AGBL4: variants seen among roughly 807,000 people sequenced by gnomAD.
The protein encoded by AGBL4 is cytosolic carboxypeptidase 6.
In AGBL4, 58 loss-of-function variants were observed where a neutral mutation model predicts 66.4. That is an observed-to-expected ratio of 0.87 (90% CI 0.71 to 1.09). The LOEUF is 1.09. AGBL4 is among the 50% of genes least tolerant of loss of function. The pLI is 0.00. For missense variants in AGBL4, 579 were observed against 631.0 expected, an observed-to-expected ratio of 0.92 and a Z score of 0.88; for synonymous variants, 234 against 222.9, an observed-to-expected ratio of 1.05 and a Z score of -0.44.
At chr1:49,525,586 G>A (rs1650594643) in intron 3 of AGBL4, among the ~76,000 whole-genome samples, 2 of 151,924 alleles carry the variant, frequency 1.3e-5, no homozygotes. Context: ...AAAGAGGAGG[G>A]GGCAACAGGA....
At position 48,705,010 on chromosome 1, in the gene AGBL4, G is replaced by A. The variant is rs866433238; in HGVS notation, c.635-41769C>T. Among the ~76,000 whole-genome samples, 15 of 152,190 alleles carry A rather than the reference G, an allele frequency of 9.9e-5. No homozygotes were observed. In the Middle Eastern group the frequency reaches 0.01, roughly 104 times the overall value. On this transcript the variant is annotated intron_variant, in intron 6 of 13. Transcript: ENST00000371839. ...GAGTAATGCTTTCTACTACAATATA[G>A]CAATGTCTGCGCTGTCACTAGGCGA...
At chr1:48,652,823 T>C (rs1645952917) in intron 8 of AGBL4, among the ~76,000 whole-genome samples, 2 of 152,186 alleles carry the variant, frequency 1.3e-5, no homozygotes, top group South Asian at 4.1e-4. Context: ...CTGGCTGGTG[T>C]GCCCACACTG....
intron 9 of AGBL4, among the ~76,000 whole-genome samples, chr1:48,632,916 C>T (rs1046737892): frequency 3.9e-5 from 6 of 152,176 alleles, no homozygotes; most frequent in African/African-American, 1.4e-4. Context: ...ATCAGGATGA[C>T]ATTGAGAGGT....
chr1:49,804,696 T>C (rs1227478260), intron 2 of AGBL4, among the ~76,000 whole-genome samples: 1 of 152,208 alleles, frequency 6.6e-6, no homozygotes, highest in Non-Finnish European at 1.5e-5. Context: ...TGTAACTCTT[T>C]ATAAATAATT....
At chr1:49,701,803 C>G (rs757898542) in intron 2 of AGBL4, among the ~76,000 whole-genome samples, 2 of 151,918 alleles carry the variant, frequency 1.3e-5, no homozygotes, top group African/African-American at 2.4e-5. Context: ...AGAGGACATA[C>G]TATAACCAAC....
intron 1 of AGBL4, among the ~76,000 whole-genome samples, chr1:49,958,536 C>T (rs1304914861): frequency 6.6e-6 from 1 of 151,956 alleles, no homozygotes; most frequent in Non-Finnish European, 1.5e-5. Flanking sequence ...AAGTTCATGT[C>T]CTTTCTAGGG....
At chr1:49,743,226 A>T (rs931450224) in intron 2 of AGBL4, among the ~76,000 whole-genome samples, 1 of 152,060 alleles carries the variant, frequency 6.6e-6, no homozygotes, top group African/African-American at 2.4e-5. Context: ...AACAACCCCA[A>T]CAAAAACTGG....
chr1:48,861,534 C>T (rs1031146211), intron 6 of AGBL4, among the ~76,000 whole-genome samples: 2 of 152,058 alleles, frequency 1.3e-5, no homozygotes, highest in Non-Finnish European at 2.9e-5. Context: ...GTTACCAAAA[C>T]AATTATATGA....
chr1:49,220,869 G>C (rs1649440708), intron 4 of AGBL4, among the ~76,000 whole-genome samples: 2 of 152,104 alleles, frequency 1.3e-5, no homozygotes, highest in Admixed American at 6.6e-5. Flanking sequence ...GAAGATTAAT[G>C]CAGGAAAAGC....
chr1:48,924,643 T>C (rs1364551089), intron 5 of AGBL4, among the ~76,000 whole-genome samples: 1 of 152,058 alleles, frequency 6.6e-6, no homozygotes, highest in African/African-American at 2.4e-5. Flanking sequence ...CACTAAACAA[T>C]TACCCAACAA....
intron 3 of AGBL4, among the ~76,000 whole-genome samples, chr1:49,553,617 C>T (rs1306004316): frequency 6.6e-6 from 1 of 152,026 alleles, no homozygotes; most frequent in African/African-American, 2.4e-5. Flanking sequence ...GTATTATCAG[C>T]GAAAAGACCC....
At chr1:48,544,619 T>A (rs1644129549) in intron 11 of AGBL4, among the ~76,000 whole-genome samples, 1 of 152,170 alleles carries the variant, frequency 6.6e-6, no homozygotes, top group East Asian at 1.9e-4. Context: ...ACAGTGGGAT[T>A]TCTGAGGTGA....
intron 4 of AGBL4, among the ~76,000 whole-genome samples, chr1:49,195,780 GA>G (rs1197140836): frequency 2.6e-5 from 4 of 152,070 alleles, no homozygotes; most frequent in Non-Finnish European, 5.9e-5. Context: ...GAGTACTGAA[GA>G]TTTGTAAGTG....
At chr1:48,903,273 C>T (rs1181869356) in intron 5 of AGBL4, among the ~76,000 whole-genome samples, 1 of 152,150 alleles carries the variant, frequency 6.6e-6, no homozygotes, top group African/African-American at 2.4e-5. Context: ...CTCCTGGAAC[C>T]CTCCCAGAAT....
intron 1 of AGBL4, among the ~76,000 whole-genome samples, chr1:50,013,649 T>A (rs77600602): frequency 0.012 from 1,864 of 152,312 alleles, 28 homozygotes; most frequent in Non-Finnish European, 0.015. Flanking sequence ...AGTTACAGTA[T>A]TACAGCTTAG....
At chr1:49,751,325 C>A (rs1302715937) in intron 2 of AGBL4, among the ~76,000 whole-genome samples, 1 of 152,150 alleles carries the variant, frequency 6.6e-6, no homozygotes, top group East Asian at 1.9e-4. Flanking sequence ...GACTTTTCTG[C>A]ATCTATTGAT....
chr1:48,555,025 C>T (rs965243287), intron 11 of AGBL4, among the ~76,000 whole-genome samples: 4 of 152,168 alleles, frequency 2.6e-5, no homozygotes, highest in African/African-American at 9.6e-5. Context: ...CTTGAGCAGC[C>T]TTTAGAGAAG....
intron 1 of AGBL4, among the ~76,000 whole-genome samples, chr1:49,895,315 G>A (rs1378634509): frequency 2.0e-5 from 3 of 151,632 alleles, no homozygotes; most frequent in East Asian, 3.9e-4. Context: ...ATCATCAGAA[G>A]GCACAAAAAT....
At chr1:49,078,138 A>G (rs142004965) in intron 4 of AGBL4, among the ~76,000 whole-genome samples, 2 of 152,136 alleles carry the variant, frequency 1.3e-5, no homozygotes, top group Non-Finnish European at 2.9e-5. Context: ...CAATACTCTA[A>G]CCCTGTACTA....
Sources: gnomAD v4.1 joint callset for allele counts (sites outside exome capture counted in the v4.1 genomes callset) on GRCh38, gnomAD v4.1.1 for gene constraint, MANE v1.5 for transcripts, NCBI Gene and HGNC (gene_info 2026-07-23, HGNC 2026-07-21) for gene names.